The following SLIT3 variants were observed in gnomAD, a reference collection of about 807,000 sequenced individuals.
The protein encoded by SLIT3 is slit homolog 3 protein.
In SLIT3, 68 loss-of-function variants were observed where a neutral mutation model predicts 184.0. The ratio of observed to expected loss-of-function variants is 0.37; its 90% CI spans 0.30 to 0.45. SLIT3 has a LOEUF of 0.45. Among genes scored for constraint, SLIT3 ranks in the 20% least tolerant of loss-of-function variants. The pLI, the probability that SLIT3 is intolerant of heterozygous loss-of-function variation, is 1.00. For synonymous variants in SLIT3, 831 were observed against 828.6 expected (o/e 1.00, Z -0.05); for missense variants, 1,707 against 2,026.0 (o/e 0.84, Z 3.02).
intron 4 of SLIT3, among the ~76,000 whole-genome samples, chr5:168,938,032 T>G (rs991831925): frequency 6.6e-6 from 1 of 152,180 alleles, no homozygotes; most frequent in African/African-American, 2.4e-5. Flanking sequence ...TGCGGATCTG[T>G]ATATTTATTA....
intron 10 of SLIT3, among the ~76,000 whole-genome samples, chr5:168,794,881 G>T (rs989644979): frequency 6.6e-6 from 1 of 151,910 alleles, no homozygotes; most frequent in Admixed American, 6.6e-5. Context: ...CTTTCTTTAG[G>T]CCACCTGCAC....
At chr5:168,720,127 G>A (rs548508938) in intron 23 of SLIT3, 2 of 152,152 alleles carry the variant, frequency 1.3e-5, no homozygotes, top group Non-Finnish European at 2.9e-5. Context: ...TGTTGCCCAG[G>A]CTAGTCTTGA....
chr5:169,133,120 C>T (rs1246596803), intron 4 of SLIT3, among the ~76,000 whole-genome samples: 2 of 152,110 alleles, frequency 1.3e-5, no homozygotes, highest in Non-Finnish European at 2.9e-5. Context: ...ATGATCTGCA[C>T]CTTATCCTTC....
At chr5:169,081,816 T>C (rs1759072598) in intron 4 of SLIT3, among the ~76,000 whole-genome samples, 1 of 152,184 alleles carries the variant, frequency 6.6e-6, no homozygotes, top group African/African-American at 2.4e-5. Context: ...TGTGCTTTGC[T>C]CTTACATACA....
intron 4 of SLIT3, among the ~76,000 whole-genome samples, chr5:168,896,523 G>A (rs1272767272): frequency 6.6e-6 from 1 of 152,100 alleles, no homozygotes; most frequent in African/African-American, 2.4e-5. Flanking sequence ...GCAACTCCAG[G>A]TCAAGTTCAA....
At chr5:169,084,811 G>A (rs1055837593) in intron 4 of SLIT3, among the ~76,000 whole-genome samples, 1 of 152,156 alleles carries the variant, frequency 6.6e-6, no homozygotes, top group Non-Finnish European at 1.5e-5. Flanking sequence ...GGGGCCCAGA[G>A]GGGCGCAAAT....
chr5:168,844,203 G>A (rs553387839), intron 6 of SLIT3, among the ~76,000 whole-genome samples: 1 of 152,046 alleles, frequency 6.6e-6, no homozygotes, highest in South Asian at 2.1e-4. Flanking sequence ...CTGTCTCCCA[G>A]TGTGCCCGCA....
chr5:169,189,322 G>A (rs1763463575), intron 4 of SLIT3, among the ~76,000 whole-genome samples: 1 of 151,762 alleles, frequency 6.6e-6, no homozygotes, highest in East Asian at 1.9e-4. Context: ...AGTGTGGTAT[G>A]GTAGAAAACA....
chr5:168,860,637 C>A (rs1485105834), intron 5 of SLIT3, among the ~76,000 whole-genome samples: 2 of 152,080 alleles, frequency 1.3e-5, no homozygotes, highest in Non-Finnish European at 2.9e-5. Flanking sequence ...ACAGACCAAC[C>A]AATCCCAAGT....
intron 29 of SLIT3, among the ~76,000 whole-genome samples, chr5:168,691,272 T>A (rs1371727133): frequency 1.3e-5 from 2 of 152,190 alleles, no homozygotes; most frequent in African/African-American, 4.8e-5. Context: ...GCTTCTTAGA[T>A]TCTAAGATTC....
At chr5:168,758,689 G>A (rs1051463028) in intron 16 of SLIT3, among the ~76,000 whole-genome samples, 1 of 152,190 alleles carries the variant, frequency 6.6e-6, no homozygotes. Context: ...GCTGCAGGCA[G>A]GGACGGAGGG....
chr5:169,210,899 A>G (rs1764243774), intron 3 of SLIT3, among the ~76,000 whole-genome samples: 1 of 152,194 alleles, frequency 6.6e-6, no homozygotes, highest in Admixed American at 6.5e-5. Flanking sequence ...ATATATTTCC[A>G]TGTTCCATTG....
chr5:169,010,835 G>A (rs1208528897), intron 4 of SLIT3, among the ~76,000 whole-genome samples: 3 of 151,728 alleles, frequency 2.0e-5, no homozygotes, highest in East Asian at 1.9e-4. Flanking sequence ...CCCAGGAGGC[G>A]GAGGCAGAGG....
chr5:169,155,823 T>G (rs979556379), intron 4 of SLIT3, among the ~76,000 whole-genome samples: 1 of 152,242 alleles, frequency 6.6e-6, no homozygotes, highest in Non-Finnish European at 1.5e-5. Context: ...CTGTGCACCC[T>G]GGTTAGAAGG....
chr5:169,160,820 G>T (rs1010736278), intron 4 of SLIT3, among the ~76,000 whole-genome samples: 1 of 152,184 alleles, frequency 6.6e-6, no homozygotes, highest in Non-Finnish European at 1.5e-5. Flanking sequence ...TCTCCCAGAA[G>T]CCCCATTGTT....
intron 4 of SLIT3, among the ~76,000 whole-genome samples, chr5:169,007,645 C>G (rs1755984494): frequency 6.6e-6 from 1 of 152,208 alleles, no homozygotes; most frequent in African/African-American, 2.4e-5. Flanking sequence ...TGAATATACA[C>G]TGACTTGCTC....
chr5:168,726,925 C>T lies in SLIT3; in HGVS notation c.2271-2441G>A, dbSNP rs562901602. Among the ~76,000 whole-genome samples the T allele has an allele frequency of 1.1e-4, 16 of 151,792 alleles. No homozygotes were observed. In the South Asian group the frequency reaches 2.9e-3, roughly 28 times the overall value. ...ACTCAGGCGGCTGAGGCAGGAGACT[C>T]GCTTAAACCCAGGAGGCAGAGGTTG... On this transcript the variant is annotated intron_variant, in intron 20 of 35. Transcript: ENST00000519560.
chr5:169,022,989 T>A (rs1372515729), intron 4 of SLIT3: 1 of 152,176 alleles, frequency 6.6e-6, no homozygotes, highest in Non-Finnish European at 1.5e-5. Flanking sequence ...GAGTCCAGTA[T>A]TGTTTGTACT....
chr5:168,847,920 A>G (rs1268769260), intron 5 of SLIT3, among the ~76,000 whole-genome samples: 1 of 152,140 alleles, frequency 6.6e-6, no homozygotes, highest in Non-Finnish European at 1.5e-5. Context: ...ACAAATCAAC[A>G]AAGCCCATTG....
Sources: gnomAD v4.1 joint callset for allele counts (sites outside exome capture counted in the v4.1 genomes callset) on GRCh38, gnomAD v4.1.1 for gene constraint, MANE v1.5 for transcripts, NCBI Gene and HGNC (gene_info 2026-07-23, HGNC 2026-07-21) for gene names.